ADAMTS17: variants seen among roughly 807,000 people sequenced by gnomAD.
ADAMTS17 encodes the protein A disintegrin and metalloproteinase with thrombospondin motifs 17.
A neutral mutation model predicts 141.5 loss-of-function variants in ADAMTS17; 113 were observed. The ratio of observed to expected loss-of-function variants is 0.80; its 90% CI spans 0.69 to 0.93. The LOEUF (loss-of-function observed/expected upper bound fraction) is 0.93. ADAMTS17 is among the 40% of genes least tolerant of loss of function. The probability of loss-of-function intolerance (pLI) is 0.00; values close to 1 mark genes in which losing one functional copy is unlikely to be tolerated. For missense variants in ADAMTS17, 1,659 were observed against 1,517.9 expected (o/e 1.09, Z -1.54); for synonymous variants, 768 against 630.6 (o/e 1.22, Z -3.27).
At chr15:100,035,680 G>C (rs2030636757) in intron 18 of ADAMTS17, among the ~76,000 whole-genome samples, 1 of 152,088 alleles carries the variant, frequency 6.6e-6, no homozygotes, top group African/African-American at 2.4e-5. Flanking sequence ...GGGTCTGCGT[G>C]GTTCCAGAGG....
At chr15:100,154,652 A>C (rs12912546) in intron 9 of ADAMTS17, among the ~76,000 whole-genome samples, 56,939 of 152,020 alleles carry the variant, frequency 0.37, 10,908 homozygotes, top group African/African-American at 0.45. Context: ...ATCAGATGGC[A>C]GATTCTTCCA....
intron 18 of ADAMTS17, among the ~76,000 whole-genome samples, chr15:100,002,560 C>T (rs11852383): frequency 0.52 from 78,892 of 151,404 alleles, 20,954 homozygotes; most frequent in Non-Finnish European, 0.57. Flanking sequence ...CTACATCCGC[C>T]GTCACCTCGC....
intron 12 of ADAMTS17, among the ~76,000 whole-genome samples, chr15:100,119,102 T>A (rs1437193164): frequency 7.2e-6 from 1 of 138,124 alleles, no homozygotes; most frequent in Non-Finnish European, 1.6e-5. Flanking sequence ...CCAAACATTG[T>A]CAGCAAGCCA....
intron 8 of ADAMTS17, among the ~76,000 whole-genome samples, chr15:100,183,298 G>T (rs2040589306): frequency 6.6e-6 from 1 of 152,126 alleles, no homozygotes; most frequent in African/African-American, 2.4e-5. Flanking sequence ...TGGGATTCCT[G>T]ATACAAGCTT....
intron 15 of ADAMTS17, among the ~76,000 whole-genome samples, chr15:100,058,188 C>CCCTATCCCGGCTCTAACCCT (rs2032770585): frequency 9.7e-6 from 1 of 103,282 alleles, no homozygotes; most frequent in Non-Finnish European, 2.2e-5. Flanking sequence ...GCTCTAACAC[C>CCCTATCCCGGCTCTAACCCT]CCTATCCCAG....
chr15:100,203,080 CTT>C (rs1481499708), intron 7 of ADAMTS17, among the ~76,000 whole-genome samples: 8 of 152,314 alleles, frequency 5.3e-5, no homozygotes, highest in Non-Finnish European at 1.2e-4. Context: ...CTCTAATGGG[CTT>C]GACTGCTCTG....
At chr15:100,087,550 G>A (rs1348101977) in intron 15 of ADAMTS17, among the ~76,000 whole-genome samples, 1 of 152,132 alleles carries the variant, frequency 6.6e-6, no homozygotes, top group Non-Finnish European at 1.5e-5. Context: ...GAGAATTTTA[G>A]ACCAATATCC....
intron 8 of ADAMTS17, among the ~76,000 whole-genome samples, chr15:100,173,458 G>A (rs571389713): frequency 5.9e-5 from 9 of 152,168 alleles, no homozygotes; most frequent in African/African-American, 2.2e-4. Flanking sequence ...CAACCACCTG[G>A]TAGACAAGGC....
At chr15:99,998,488 C>T (rs2060850621) in intron 18 of ADAMTS17, among the ~76,000 whole-genome samples, 1 of 152,316 alleles carries the variant, frequency 6.6e-6, no homozygotes, top group East Asian at 1.9e-4. Context: ...CCTGTAGTCC[C>T]AGCTACTCAG....
At chr15:100,189,369 G>A (rs2040836838) in intron 8 of ADAMTS17, among the ~76,000 whole-genome samples, 1 of 152,196 alleles carries the variant, frequency 6.6e-6, no homozygotes, top group Non-Finnish European at 1.5e-5. Context: ...CCAAGCAGCT[G>A]GCAGGAAGTT....
chr15:100,008,075 G>C (rs1014169858), intron 18 of ADAMTS17, among the ~76,000 whole-genome samples: 2 of 149,264 alleles, frequency 1.3e-5, no homozygotes, highest in African/African-American at 5.2e-5. Flanking sequence ...TGCTGGCCCA[G>C]AAGAGGCCTC....
At chr15:99,992,942 G>T in intron 20 of ADAMTS17, 106 bp downstream of exon 20, 1 of 1,432,248 alleles carries the variant, frequency 7.0e-7, no homozygotes, top group Non-Finnish European at 9.7e-7. Flanking sequence ...GCCTAGTTAC[G>T]CTGGGACTGC....
At chr15:100,152,979 A>G (rs2039257494) in intron 9 of ADAMTS17, among the ~76,000 whole-genome samples, 3 of 152,226 alleles carry the variant, frequency 2.0e-5, no homozygotes, top group Admixed American at 2.0e-4. Context: ...CTCTGAAGGT[A>G]GTAAGAACCT....
At chr15:100,207,329 G>C (rs1567353886) in intron 7 of ADAMTS17, among the ~76,000 whole-genome samples, 1 of 152,290 alleles carries the variant, frequency 6.6e-6, no homozygotes, top group East Asian at 1.9e-4. Flanking sequence ...GCACTGCGGA[G>C]TTCCAGCTTC....
In ADAMTS17 at chr15:100,142,750, A is replaced by G. The variant is rs188900887; in HGVS notation, c.1474-9435T>C. Among the ~76,000 whole-genome samples the G allele has an allele frequency of 2.2e-3, 336 of 152,312 alleles. 2 individuals are homozygous for G. Among genetic ancestry groups the G allele is most frequent in the African/African-American group, 7.7e-3 (322 of 41,572 alleles). On this transcript the variant is annotated intron_variant, in intron 10 of 21. Coordinates refer to ENST00000268070, the MANE Select transcript of ADAMTS17 (RefSeq NM_139057.4). ...CTAGAAAGCATCTCCACACTGTACC[A>G]AAAGGCAATTAACGAGAAAAGAGAA... is the stretch of plus-strand genomic sequence containing the variant.
intron 4 of ADAMTS17, among the ~76,000 whole-genome samples, chr15:100,271,989 A>G (rs1287489629): frequency 6.6e-6 from 1 of 151,222 alleles, no homozygotes; most frequent in Admixed American, 6.6e-5. Flanking sequence ...TCTCTATTGA[A>G]GGTCTCGGCA....
chr15:100,024,555 T>A (rs1372618718), intron 18 of ADAMTS17, among the ~76,000 whole-genome samples: 1 of 151,634 alleles, frequency 6.6e-6, no homozygotes, highest in African/African-American at 2.4e-5. Flanking sequence ...CAGGGAGGAG[T>A]GCTTGGATCT....
intron 7 of ADAMTS17, among the ~76,000 whole-genome samples, chr15:100,212,827 A>G (rs1596292119): frequency 9.6e-6 from 1 of 104,020 alleles, no homozygotes. Flanking sequence ...AGCCAAATTG[A>G]CTCTTTATTA....
At chr15:100,199,641 C>T (rs1029277012) in intron 7 of ADAMTS17, among the ~76,000 whole-genome samples, 4 of 152,306 alleles carry the variant, frequency 2.6e-5, no homozygotes, top group Middle Eastern at 3.4e-3. Context: ...GCATCTAATA[C>T]GCGTCGGGGG....
Sources: allele counts gnomAD v4.1 joint callset (sites outside exome capture counted in the v4.1 genomes callset), GRCh38; gene constraint gnomAD v4.1.1; transcripts MANE v1.5; gene names NCBI Gene and HGNC (gene_info 2026-07-23, HGNC 2026-07-21).